NBEA: variants seen among roughly 807,000 people sequenced by gnomAD.
The protein encoded by NBEA is neurobeachin, also known as lysosomal-trafficking regulator 2.
A neutral mutation model predicts 343.4 loss-of-function variants in NBEA; 44 were observed. That is an observed-to-expected ratio of 0.13 (90% confidence interval 0.10 to 0.16). The LOEUF is 0.16. Among genes scored for constraint, NBEA ranks in the 10% least tolerant of loss-of-function variants. The pLI is 1.00. For synonymous variants in NBEA, 1,175 were observed against 1,238.7 expected, an observed-to-expected ratio of 0.95 and a Z score of 1.08; for missense variants, 2,555 against 3,631.3, an observed-to-expected ratio of 0.70 and a Z score of 7.62.
At chr13:34,989,786 T>C (rs944171583) in intron 1 of NBEA, among the ~76,000 whole-genome samples, 1 of 150,892 alleles carries the variant, frequency 6.6e-6, no homozygotes, top group East Asian at 1.9e-4. Flanking sequence ...AAGTTTCATC[T>C]GGGACAAGGC....
chr13:35,104,338 A>T (rs1265265245), intron 11 of NBEA, among the ~76,000 whole-genome samples: 1 of 151,908 alleles, frequency 6.6e-6, no homozygotes, highest in East Asian at 1.9e-4. Context: ...GGCATGTTTT[A>T]TATTTTTTAC....
intron 41 of NBEA, among the ~76,000 whole-genome samples, chr13:35,473,403 C>A (rs553117904): frequency 4.6e-5 from 7 of 152,196 alleles, no homozygotes; most frequent in African/African-American, 1.7e-4. Flanking sequence ...GACAAATGCT[C>A]CCACAGATCC....
chr13:35,528,485 AT>A (rs2078091329), intron 41 of NBEA, among the ~76,000 whole-genome samples: 1 of 152,252 alleles, frequency 6.6e-6, no homozygotes, highest in Non-Finnish European at 1.5e-5. Context: ...ACAAATATGA[AT>A]ATTTACTGTA....
At chr13:35,358,768 G>C (rs1333060083) in intron 38 of NBEA, among the ~76,000 whole-genome samples, 2 of 152,078 alleles carry the variant, frequency 1.3e-5, no homozygotes, top group Admixed American at 6.6e-5. Flanking sequence ...CAAATGATAG[G>C]ATAGAAAAGT....
intron 28 of NBEA, among the ~76,000 whole-genome samples, chr13:35,179,534 A>AAAAAGAT (rs2071159261): frequency 6.6e-6 from 1 of 151,362 alleles, no homozygotes; most frequent in Non-Finnish European, 1.5e-5. Context: ...TCTGGGTTAA[A>AAAAAGAT]AAAAAATAAA....
intron 34 of NBEA, 90 bp downstream of exon 34, chr13:35,232,709 C>A: frequency 2.0e-6 from 2 of 1,019,150 alleles, no homozygotes; most frequent in Non-Finnish European, 2.6e-6. Context: ...ATATATATTT[C>A]CAAAAGAATG....
rs183460130 is a variant in NBEA, at chr13:35,309,709, A to G, written c.5903+117A>G. The G allele has an allele frequency of 5.1e-4, 298 of 582,328 alleles. 1 individual carries two copies. The African/African-American group carries it at 5.4e-3, about 11-fold the overall frequency. The allele number at this position is 582,328 out of a possible 1,614,324, so 36.1% of individuals were successfully genotyped here. ...GAAGAAAATGTCTTTTAGTTAAATA[A>G]TTTATCACACAGGTACTTAATTAAT... On this transcript the variant is annotated intron_variant, in intron 36 of 58. Coordinates refer to ENST00000379939, the MANE Select transcript of NBEA (RefSeq NM_001385012.1).
intron 46 of NBEA, among the ~76,000 whole-genome samples, chr13:35,590,620 CTGA>C (rs1364705464): frequency 7.2e-5 from 11 of 152,156 alleles, no homozygotes; most frequent in African/African-American, 2.2e-4. Flanking sequence ...CTTTTAGCGG[CTGA>C]TGATAAGAAG....
Position 34,968,084 on chromosome 13 carries a change from C to A in NBEA, c.294+24970C>A, listed in dbSNP as rs1316156228. Among the ~76,000 whole-genome samples, 9 of 152,150 alleles carry A rather than the reference C, an allele frequency of 5.9e-5. No individual in the cohort carries two copies. The South Asian group carries it at 6.2e-4, about 11-fold the overall frequency. On this transcript the variant is annotated intron_variant, in intron 1 of 58. Coordinates refer to ENST00000379939, the MANE Select transcript of NBEA (RefSeq NM_001385012.1). Reference sequence around the variant, plus strand: ...AGAGTTCAGGAAAGTGCTACACTTACAATTACAGTTTTATTATAAAGGAAA... The same window carrying A: ...AGAGTTCAGGAAAGTGCTACACTTAAAATTACAGTTTTATTATAAAGGAAA...
intron 55 of NBEA, among the ~76,000 whole-genome samples, chr13:35,662,468 G>C (rs1433018017): frequency 6.6e-6 from 1 of 152,172 alleles, no homozygotes; most frequent in East Asian, 1.9e-4. Context: ...TGGGGTGTGT[G>C]ACATCTGTCC....
intron 17 of NBEA, among the ~76,000 whole-genome samples, chr13:35,126,264 A>G (rs2152680814): frequency 6.6e-6 from 1 of 152,076 alleles, no homozygotes; most frequent in East Asian, 1.9e-4. Flanking sequence ...GCCTTCCACC[A>G]TGATTGTAAG....
chr13:35,625,443 C>CCTGT (rs960329811), intron 48 of NBEA, among the ~76,000 whole-genome samples: 1 of 151,912 alleles, frequency 6.6e-6, no homozygotes, highest in African/African-American at 2.4e-5. Context: ...ATGGCGAAAC[C>CCTGT]CTGTCCCTGC....
chr13:35,449,426 A>G (rs2046194993), intron 39 of NBEA, among the ~76,000 whole-genome samples: 1 of 152,224 alleles, frequency 6.6e-6, no homozygotes, highest in Non-Finnish European at 1.5e-5. Context: ...ATGGTTGGCC[A>G]AAATAGGAGG....
At chr13:35,410,267 TA>T (rs145525804) in intron 38 of NBEA, among the ~76,000 whole-genome samples, 5,308 of 152,192 alleles carry the variant, frequency 0.035, 136 homozygotes, top group Non-Finnish European at 0.053. Flanking sequence ...AACATTGAAC[TA>T]AAAACTAGGA....
chr13:35,093,856 T>A (rs1310556388), intron 10 of NBEA, among the ~76,000 whole-genome samples: 1 of 151,974 alleles, frequency 6.6e-6, no homozygotes, highest in African/African-American at 2.4e-5. Context: ...TCTGTGGTAC[T>A]ATTAGGCTTT....
intron 38 of NBEA, among the ~76,000 whole-genome samples, chr13:35,429,490 A>C (rs142869597): frequency 1.3e-5 from 2 of 151,916 alleles, no homozygotes; most frequent in South Asian, 2.1e-4. Context: ...TCATTGGTCT[A>C]TCTGGGCTGT....
chr13:35,519,608 A>C (rs1376342623), intron 41 of NBEA, among the ~76,000 whole-genome samples: 1 of 152,236 alleles, frequency 6.6e-6, no homozygotes, highest in Non-Finnish European at 1.5e-5. Context: ...TTCTTACAGA[A>C]GAAATGAAGA....
At chr13:35,132,197 A>C (rs2152686274) in intron 17 of NBEA, among the ~76,000 whole-genome samples, 1 of 152,198 alleles carries the variant, frequency 6.6e-6, no homozygotes, top group Admixed American at 6.5e-5. Context: ...TCACTCTATT[A>C]CCCAGGCTGG....
At chr13:35,310,752 C>A (rs924073614) in intron 36 of NBEA, among the ~76,000 whole-genome samples, 1 of 151,932 alleles carries the variant, frequency 6.6e-6, no homozygotes, top group Non-Finnish European at 1.5e-5. Flanking sequence ...TTTGGCATGA[C>A]CTATTCATTT....
Sources: allele counts gnomAD v4.1 joint callset (sites outside exome capture counted in the v4.1 genomes callset), GRCh38; gene constraint gnomAD v4.1.1; transcripts MANE v1.5; gene names NCBI Gene and HGNC (gene_info 2026-07-23, HGNC 2026-07-21).